Variants in STK32A observed in about 807,000 individuals in gnomAD.
STK32A encodes serine/threonine kinase 32A.
A neutral mutation model predicts 53.2 loss-of-function variants in STK32A; 41 were observed. The ratio of observed to expected loss-of-function variants is 0.77; its 90% CI spans 0.60 to 1.00. STK32A has a LOEUF of 1.00. Ranked by LOEUF, STK32A falls within the 50% of genes least tolerant of loss-of-function variation. STK32A has a pLI of 0.00. For missense variants in STK32A, 458 were observed against 485.8 expected, an observed-to-expected ratio of 0.94 and a Z score of 0.54; for synonymous variants, 166 against 162.8, an observed-to-expected ratio of 1.02 and a Z score of -0.15.
At chr5:147,373,442 G>A (rs1475946690) in intron 10 of STK32A, 148 bp downstream of exon 10, 9 of 1,092,466 alleles carry the variant, frequency 8.2e-6, no homozygotes, top group Admixed American at 5.1e-5. Flanking sequence ...ATTGAGACAT[G>A]CACAGGGTAA....
At chr5:147,383,869 T>C (rs767178650) in intron 12 of STK32A, 21 bp from the exon 13 acceptor site, 8 of 1,452,520 alleles carry the variant, frequency 5.5e-6, no homozygotes, top group African/African-American at 1.5e-5. Context: ...AAAACATCTT[T>C]TTTTTTCTTT....
intron 2 of STK32A, among the ~76,000 whole-genome samples, chr5:147,241,780 G>T (rs1257723693): frequency 1.3e-5 from 2 of 152,152 alleles, no homozygotes; most frequent in Non-Finnish European, 2.9e-5. Flanking sequence ...TTTTCATTTA[G>T]TTGGTTTCCT....
At chr5:147,336,257 T>C (rs1755114945) in intron 5 of STK32A, among the ~76,000 whole-genome samples, 1 of 152,142 alleles carries the variant, frequency 6.6e-6, no homozygotes, top group Non-Finnish European at 1.5e-5. Flanking sequence ...CTATCAGTTG[T>C]ATTTCAGTGT....
intron 4 of STK32A, among the ~76,000 whole-genome samples, chr5:147,308,430 T>A (rs901568165): frequency 6.6e-6 from 1 of 152,162 alleles, no homozygotes; most frequent in African/African-American, 2.4e-5. Context: ...TTATTAATTA[T>A]ACTAGTTGTC....
chr5:147,366,322 C>A (rs1459085178), intron 8 of STK32A, among the ~76,000 whole-genome samples: 1 of 152,170 alleles, frequency 6.6e-6, no homozygotes, highest in African/African-American at 2.4e-5. Context: ...AAAAATCACT[C>A]TGCGTAAGAT....
chr5:147,246,837 C>T (rs1170056730), intron 2 of STK32A, among the ~76,000 whole-genome samples: 1 of 152,160 alleles, frequency 6.6e-6, no homozygotes, highest in East Asian at 1.9e-4. Flanking sequence ...ATGAGTACAA[C>T]ACAAGATAGC....
chr5:147,271,336 T>A lies in STK32A; in HGVS notation c.53-6788T>A, dbSNP rs568682309. 1.6e-3 allele frequency among the ~76,000 whole-genome samples: 239 copies of A among 152,290 alleles called. 1 individual carries two copies. The highest frequency in any genetic ancestry group is 2.7e-3 in the Non-Finnish European group (187 of 68,022). ...TATGCCTGTCTTTACTTTAATCTCT[T>A]AATCCTGTCATCTCGTAAGCTGAGG... On this transcript the variant is annotated intron_variant, in intron 2 of 12. Transcript: ENST00000397936.
intron 7 of STK32A, among the ~76,000 whole-genome samples, chr5:147,360,464 A>AAG (rs1554108429): frequency 7.3e-6 from 1 of 137,318 alleles, no homozygotes. Flanking sequence ...AAAAAAAAAA[A>AAG]AAAGAAAAAA....
intron 2 of STK32A, among the ~76,000 whole-genome samples, chr5:147,269,010 G>T (rs947710528): frequency 2.0e-5 from 3 of 152,156 alleles, no homozygotes; most frequent in African/African-American, 4.8e-5. Context: ...CAGTGTTGGA[G>T]GGCAGCTGTG....
chr5:147,323,282 A>G (rs1315368585), intron 4 of STK32A, among the ~76,000 whole-genome samples: 1 of 152,300 alleles, frequency 6.6e-6, no homozygotes, highest in East Asian at 1.9e-4. Context: ...TATGATCACC[A>G]TTCCTCAAAA....
intron 4 of STK32A, among the ~76,000 whole-genome samples, chr5:147,318,488 G>T: frequency 6.6e-6 from 1 of 151,858 alleles, no homozygotes; most frequent in East Asian, 1.9e-4. Context: ...GGGCAACAAG[G>T]GTGTGGTGGC....
intron 4 of STK32A, among the ~76,000 whole-genome samples, chr5:147,290,593 CTCTA>C (rs1752554385): frequency 6.6e-6 from 1 of 152,114 alleles, no homozygotes. Context: ...TCCTCAGGGC[CTCTA>C]TCTCTTTACT....
At chr5:147,376,449 C>G (rs2152005951) in intron 11 of STK32A, among the ~76,000 whole-genome samples, 1 of 152,284 alleles carries the variant, frequency 6.6e-6, no homozygotes, top group South Asian at 2.1e-4. Flanking sequence ...AAGGTGGATA[C>G]AGGCCTCTCT....
intron 2 of STK32A, 24 bp downstream of exon 2, chr5:147,239,710 T>C: frequency 1.3e-6 from 2 of 1,579,240 alleles, no homozygotes; most frequent in Non-Finnish European, 1.7e-6. Context: ...GATAGTGGCA[T>C]ATAAAAAATA....
At position 147,344,819 on chromosome 5, in the gene STK32A, C is replaced by A. The variant is rs917713254; in HGVS notation, c.472+1776C>A. Among the ~76,000 whole-genome samples, 10 of 152,284 alleles carry A rather than the reference C, an allele frequency of 6.6e-5. No individual in the cohort carries two copies. The South Asian group carries it at 8.3e-4, about 13-fold the overall frequency. On this transcript the variant is annotated intron_variant, in intron 6 of 12. Coordinates refer to ENST00000397936, the MANE Select transcript of STK32A (RefSeq NM_001112724.2). ...TCTGCTGTTCCACCATTTATAGAGG[C>A]CTTAAATGAAGGCATATAGGTCCTA...
At chr5:147,360,448 C>A in intron 7 of STK32A, among the ~76,000 whole-genome samples, 2 of 64,922 alleles carry the variant, frequency 3.1e-5, no homozygotes, top group East Asian at 6.1e-4. Flanking sequence ...GAGATTCTGT[C>A]TCAAAAAAAA....
chr5:147,329,738 A>G (rs376237047), intron 5 of STK32A, among the ~76,000 whole-genome samples: 108 of 152,310 alleles, frequency 7.1e-4, no homozygotes, highest in African/African-American at 2.4e-3. Flanking sequence ...ATTCTATATA[A>G]AAAGCTGTCT....
At chr5:147,373,323 C>G (rs929605125) in intron 10 of STK32A, 29 bp downstream of exon 10, 1 of 1,611,736 alleles carries the variant, frequency 6.2e-7, no homozygotes, top group East Asian at 2.2e-5. Flanking sequence ...AGCCAAATAA[C>G]TCCCATTCAG....
chr5:147,306,114 G>A (rs1291084479), intron 4 of STK32A, among the ~76,000 whole-genome samples: 1 of 151,926 alleles, frequency 6.6e-6, no homozygotes, highest in Non-Finnish European at 1.5e-5. Flanking sequence ...CACCAACACT[G>A]GATATTATCA....
Sources: allele counts gnomAD v4.1 joint callset (sites outside exome capture counted in the v4.1 genomes callset), GRCh38; gene constraint gnomAD v4.1.1; transcripts MANE v1.5; gene names NCBI Gene and HGNC (gene_info 2026-07-23, HGNC 2026-07-21).